The following SMC5 variants were observed in gnomAD, a reference collection of about 807,000 sequenced individuals.
SMC5 encodes the protein structural maintenance of chromosomes protein 5.
Under a neutral mutation model 148.3 loss-of-function variants are expected in SMC5, and 88 were observed. That is an observed-to-expected ratio of 0.59 (90% CI 0.50 to 0.71). The LOEUF (loss-of-function observed/expected upper bound fraction) is 0.71, where lower values mean the gene tolerates loss of function less well. Among genes scored for constraint, SMC5 ranks in the 30% least tolerant of loss-of-function variants. The pLI is 0.00. For synonymous variants in SMC5, 421 were observed against 432.8 expected (o/e 0.97, Z 0.34); for missense variants, 1,142 against 1,298.9 (o/e 0.88, Z 1.86).
intron 18 of SMC5, chr9:70,346,320 C>A: frequency 4.8e-6 from 2 of 413,768 alleles, no homozygotes; most frequent in Non-Finnish European, 8.5e-6. Context: ...ATGTCAAGAT[C>A]TTTTTCAGGG....
At chr9:70,334,844 G>C (rs964911905) in intron 17 of SMC5, among the ~76,000 whole-genome samples, 1 of 152,170 alleles carries the variant, frequency 6.6e-6, no homozygotes, top group Non-Finnish European at 1.5e-5. Flanking sequence ...CACGTGAAAA[G>C]ATGCCCAACC....
Position 70,349,221 on chromosome 9 carries a change from C to T in SMC5, c.2890-893C>T, listed in dbSNP as rs761354712. Among the ~76,000 whole-genome samples the T allele has an allele frequency of 3.9e-5, 6 of 152,282 alleles. No individual in the cohort carries two copies. The East Asian group carries it at 1.2e-3, about 29-fold the overall frequency. Reference sequence around the variant, plus strand: ...AGCTGGGATTACAGATGCCTGCCACCATGCCCGGCTAATTTTTGTATTTTT... The same window carrying T: ...AGCTGGGATTACAGATGCCTGCCACTATGCCCGGCTAATTTTTGTATTTTT... On this transcript the variant is annotated intron_variant, in intron 22 of 24. Coordinates refer to ENST00000361138, the MANE Select transcript of SMC5 (RefSeq NM_015110.4).
At chr9:70,327,256 T>C (rs2036104721) in intron 17 of SMC5, among the ~76,000 whole-genome samples, 1 of 152,040 alleles carries the variant, frequency 6.6e-6, no homozygotes, top group Non-Finnish European at 1.5e-5. Flanking sequence ...ATAACAAAAG[T>C]CAAAGAAATT....
At chr9:70,351,285 T>G (rs1587725836) in intron 24 of SMC5, among the ~76,000 whole-genome samples, 1 of 150,378 alleles carries the variant, frequency 6.6e-6, no homozygotes, top group Non-Finnish European at 1.5e-5. Flanking sequence ...GTCTGGGAGG[T>G]GGAGGTTTCA....
chr9:70,297,363 C>T (rs1452240971), intron 8 of SMC5, among the ~76,000 whole-genome samples: 1 of 152,162 alleles, frequency 6.6e-6, no homozygotes, highest in African/African-American at 2.4e-5. Flanking sequence ...TTATATGCTA[C>T]TCATAAACAA....
intron 2 of SMC5, among the ~76,000 whole-genome samples, chr9:70,266,483 G>A (rs1466360192): frequency 1.3e-5 from 2 of 152,058 alleles, no homozygotes; most frequent in African/African-American, 4.8e-5. Flanking sequence ...CTTTGTAATC[G>A]TCTGTTGGAT....
intron 2 of SMC5, among the ~76,000 whole-genome samples, chr9:70,265,758 A>G (rs2034272954): frequency 6.6e-6 from 1 of 152,342 alleles, no homozygotes; most frequent in East Asian, 1.9e-4. Flanking sequence ...AGCAAAAAGT[A>G]TTTTATAGAT....
chr9:70,318,560 A>C lies in SMC5; in HGVS notation c.1853A>C (p.Lys618Thr). 1 of 1,611,692 alleles carries C rather than the reference A, an allele frequency of 6.2e-7. No homozygotes were observed. The highest frequency in any genetic ancestry group is 8.5e-7 in the Non-Finnish European group (1 of 1,178,906). ...RLKQIYTAEE[K>T]YVVKTSFYSN... Reference sequence around the variant, plus strand: ...AAACAGATTTATACAGCAGAAGAAAAGTATGTGGTGAAAACTTCTTTTTAT... The same window carrying C: ...AAACAGATTTATACAGCAGAAGAAACGTATGTGGTGAAAACTTCTTTTTAT... The change falls in exon 14 of 25, where the codon AAG becomes ACG. Residue 618 changes from lysine to threonine, a missense_variant. Around this residue, in one of 5 missense-constraint regions of SMC5, gnomAD observed 743 missense variants for 835.7 expected, o/e 0.89. Coordinates refer to ENST00000361138, the MANE Select transcript of SMC5 (RefSeq NM_015110.4).
chr9:70,347,603 C>A lies in SMC5; in HGVS notation c.2665-10C>A. 2 of 1,419,580 alleles carry A rather than the reference C, an allele frequency of 1.4e-6. No individual in the cohort carries two copies. Among genetic ancestry groups the A allele is most frequent in the Non-Finnish European group, 1.9e-6 (2 of 1,041,186 alleles). The allele number at this position is 1,419,580 out of a possible 1,614,324, so 87.9% of individuals were successfully genotyped here. On this transcript the variant is annotated splice_polypyrimidine_tract_variant and intron_variant, in intron 20 of 24. Coordinates refer to ENST00000361138, the MANE Select transcript of SMC5 (RefSeq NM_015110.4). ...ATTTATCTTAAAGAAGTTTTTTTTT[C>A]CCCTGCCAGATTGTTCAGGAATATA...
chr9:70,345,413 A>C (rs2036641720), intron 18 of SMC5, among the ~76,000 whole-genome samples: 1 of 152,114 alleles, frequency 6.6e-6, no homozygotes, highest in Non-Finnish European at 1.5e-5. Context: ...AGATGCTAAG[A>C]AAAATAAAAC....
In SMC5 at chr9:70,323,022, G is replaced by T. The variant is rs145336251; in HGVS notation, c.2151-461G>T. 3.9e-3 allele frequency among the ~76,000 whole-genome samples: 595 copies of T among 152,116 alleles called. 3 individuals carry two copies. The highest frequency in any genetic ancestry group is 0.013 in the African/African-American group (551 of 41,474). ...ATTCTGGCCACTCTCTACAGCACCCGCTGAATTTGTTTGTTGTTGCTTCCA... is the reference window on the plus strand; with the variant it reads ...ATTCTGGCCACTCTCTACAGCACCCTCTGAATTTGTTTGTTGTTGCTTCCA... On this transcript the variant is annotated intron_variant, in intron 15 of 24. Transcript: ENST00000361138.
At chr9:70,274,010 C>A (rs763646898) in intron 3 of SMC5, among the ~76,000 whole-genome samples, 3 of 152,182 alleles carry the variant, frequency 2.0e-5, no homozygotes, top group African/African-American at 7.2e-5. Context: ...TTACACTATT[C>A]CTCTATGCAG....
At chr9:70,293,086 AT>A (rs1272517759) in intron 8 of SMC5, among the ~76,000 whole-genome samples, 1 of 152,094 alleles carries the variant, frequency 6.6e-6, no homozygotes, top group Non-Finnish European at 1.5e-5. Flanking sequence ...TACTTTAAAC[AT>A]TTTGTGTAAT....
rs893662507 is a variant in SMC5 at position 70,352,400 on chromosome 9, A to G, written c.*69A>G. The stretch of plus-strand genomic sequence containing the variant: ...CTGTTTATAAGTATGGCTCAACTGA[A>G]TAAAAGGAGATTCACTAAAACGAAA... On this transcript the variant is annotated 3_prime_UTR_variant, in exon 25 of 25. Transcript: ENST00000361138. The G allele has an allele frequency of 7.1e-7, 1 of 1,410,990 alleles. No individual in the cohort carries two copies. The highest frequency in any genetic ancestry group is 1.4e-5 in the African/African-American group (1 of 69,844). 87.4% of individuals were successfully genotyped at this position (1,410,990 alleles called of 1,614,324 possible).
intron 17 of SMC5, among the ~76,000 whole-genome samples, chr9:70,330,514 G>T (rs563396488): frequency 6.7e-6 from 1 of 149,550 alleles, no homozygotes; most frequent in African/African-American, 2.4e-5. Flanking sequence ...GCACTGTCCA[G>T]TAGAAATACA....
intron 17 of SMC5, among the ~76,000 whole-genome samples, chr9:70,328,983 G>A (rs1028007847): frequency 1.3e-5 from 2 of 152,182 alleles, no homozygotes; most frequent in Non-Finnish European, 2.9e-5. Context: ...AATGGCCTGA[G>A]CTATATCTTG....
intron 17 of SMC5, among the ~76,000 whole-genome samples, chr9:70,325,670 T>C (rs547217000): frequency 1.9e-3 from 285 of 152,270 alleles, no homozygotes; most frequent in African/African-American, 6.6e-3. Context: ...GTTATAAGTC[T>C]GACAATGTAA....
intron 18 of SMC5, among the ~76,000 whole-genome samples, chr9:70,346,126 G>A (rs2036661164): frequency 6.6e-6 from 1 of 152,070 alleles, no homozygotes; most frequent in Non-Finnish European, 1.5e-5. Flanking sequence ...TCCAGATTCT[G>A]TTTCACCATC....
rs759347955 is a variant in SMC5, at chr9:70,278,635, A to G, written c.678+10A>G. On this transcript the variant is annotated intron_variant, in intron 5 of 24. Coordinates refer to ENST00000361138, the MANE Select transcript of SMC5 (RefSeq NM_015110.4). ...AGAAAAACAGCTCGAGGTACTTTAAATAGACAACTCATTTGTATTGTTTCT... is the reference window on the plus strand; with the variant it reads ...AGAAAAACAGCTCGAGGTACTTTAAGTAGACAACTCATTTGTATTGTTTCT... 6.3e-7 allele frequency: 1 copy of G among 1,595,812 alleles called. No individual in the cohort carries two copies. The highest frequency in any genetic ancestry group is 8.5e-7 in the Non-Finnish European group (1 of 1,175,166).
Sources: gnomAD v4.1 joint callset for allele counts (sites outside exome capture counted in the v4.1 genomes callset) on GRCh38, gnomAD v4.1.1 for gene constraint, gnomAD v4.1.1 regional missense constraint, MANE v1.5 for transcripts, NCBI Gene and HGNC (gene_info 2026-07-23, HGNC 2026-07-21) for gene names.